NECAB2: variants seen among roughly 807,000 people sequenced by gnomAD.
NECAB2 encodes the protein N-terminal EF-hand calcium-binding protein 2.
Under a neutral mutation model 51.9 loss-of-function variants are expected in NECAB2, and 68 were observed. The ratio of observed to expected loss-of-function variants is 1.31; its 90% CI spans 1.08 to 1.60. The LOEUF (loss-of-function observed/expected upper bound fraction) is 1.60, where lower values mean the gene tolerates loss of function less well. Among genes scored for constraint, NECAB2 ranks in the 40% most tolerant of loss-of-function variants. The pLI is 0.00. For missense variants in NECAB2, 854 were observed against 490.3 expected (o/e 1.74, Z -7.00); for synonymous variants, 329 against 203.5 (o/e 1.62, Z -5.25).
chr16:83,973,711 C>T (rs1396989968), intron 2 of NECAB2, among the ~76,000 whole-genome samples: 1 of 151,950 alleles, frequency 6.6e-6, no homozygotes, highest in African/African-American at 2.4e-5. Context: ...GTCCCTTGTC[C>T]CGGGCCTGAT....
intron 2 of NECAB2, among the ~76,000 whole-genome samples, chr16:83,976,102 A>C (rs565961229): frequency 2.7e-4 from 41 of 152,266 alleles, no homozygotes; most frequent in African/African-American, 9.9e-4. Flanking sequence ...CTGGACAGGC[A>C]CGTGGGGAGA....
chr16:83,983,850 C>G (rs1350732576), intron 5 of NECAB2, among the ~76,000 whole-genome samples: 6 of 152,098 alleles, frequency 3.9e-5, no homozygotes, highest in African/African-American at 1.4e-4. Flanking sequence ...CATCATTTTT[C>G]TACGTAAAAA....
intron 5 of NECAB2, 27 bp downstream of exon 5, chr16:83,981,154 G>GGGC: frequency 6.4e-7 from 1 of 1,571,446 alleles, no homozygotes; most frequent in South Asian, 1.1e-5. Context: ...GGCCCCCGGG[G>GGGC]TCCAGGGCTC....
chr16:83,975,035 GAGGTGTGCAGGGATGAGAGC>G (rs1567664423), intron 2 of NECAB2, among the ~76,000 whole-genome samples: 1 of 128,708 alleles, frequency 7.8e-6, no homozygotes, highest in Non-Finnish European at 1.7e-5. Flanking sequence ...GGTGTGCAGG[GAGGTGTGCAGGGATGAGAGC>G]AGGTGTGCAG....
At chr16:84,002,245 A>C (rs1028065690) in intron 12 of NECAB2, 73 bp from the exon 13 acceptor site, 5 of 1,562,412 alleles carry the variant, frequency 3.2e-6, no homozygotes, top group African/African-American at 2.7e-5. Context: ...CCTGTCATTC[A>C]AGACGACCAC....
intron 5 of NECAB2, among the ~76,000 whole-genome samples, chr16:83,983,106 T>C (rs749481444): frequency 5.9e-5 from 9 of 152,118 alleles, no homozygotes; most frequent in African/African-American, 2.2e-4. Context: ...TGACTTGAGG[T>C]GATCCGCCCA....
intron 5 of NECAB2, among the ~76,000 whole-genome samples, chr16:83,983,132 G>C (rs2084510120): frequency 6.6e-6 from 1 of 152,168 alleles, no homozygotes; most frequent in Admixed American, 6.5e-5. Flanking sequence ...GCCTCCCAAA[G>C]TGCTGGGATT....
chr16:83,994,277 G>A (rs138349930), intron 6 of NECAB2, 25 bp from the exon 7 acceptor site: 1 of 1,609,978 alleles, frequency 6.2e-7, no homozygotes, highest in South Asian at 1.1e-5. Flanking sequence ...GCCATGGTCT[G>A]TGTGTGTTCC....
chr16:83,971,116 G>A (rs1159334302), intron 1 of NECAB2, among the ~76,000 whole-genome samples: 1 of 151,876 alleles, frequency 6.6e-6, no homozygotes, highest in Non-Finnish European at 1.5e-5. Context: ...AATAGTGCTG[G>A]TGAATCAGTC....
At chr16:83,973,703 C>G (rs751575413) in intron 2 of NECAB2, among the ~76,000 whole-genome samples, 1 of 152,016 alleles carries the variant, frequency 6.6e-6, no homozygotes, top group African/African-American at 2.4e-5. Context: ...TTGGGTTTGT[C>G]CCTTGTCCCG....
chr16:83,987,658 A>C (rs1232065133), intron 5 of NECAB2, among the ~76,000 whole-genome samples: 1 of 152,180 alleles, frequency 6.6e-6, no homozygotes, highest in Admixed American at 6.5e-5. Flanking sequence ...CATCATTTAA[A>C]ATATTTTAGT....
intron 10 of NECAB2, 52 bp from the exon 11 acceptor site, chr16:84,000,672 G>T: frequency 1.9e-6 from 3 of 1,544,988 alleles, no homozygotes; most frequent in Non-Finnish European, 2.7e-6. Context: ...ACAGCACTGA[G>T]GTGGCCTTGG....
chr16:84,002,644 G>A lies in NECAB2; in HGVS notation c.*298G>A, dbSNP rs1176576050. On this transcript the variant is annotated 3_prime_UTR_variant, in exon 13 of 13. Transcript: ENST00000305202. ...CCCTACCCCTCACATGGCCACGCATGACCCACACTGACCACACCCTGCCCT... is the reference window on the plus strand; with the variant it reads ...CCCTACCCCTCACATGGCCACGCATAACCCACACTGACCACACCCTGCCCT... 7 of 514,860 alleles carry A rather than the reference G, an allele frequency of 1.4e-5. No individual in the cohort carries two copies. The highest frequency in any genetic ancestry group is 2.5e-5 in the Non-Finnish European group (7 of 284,394). 31.9% of individuals were successfully genotyped at this position (514,860 alleles called of 1,614,324 possible).
rs2151099260 is a variant in NECAB2, at chr16:83,996,795, G to A, written c.796-421G>A. 2.0e-5 allele frequency among the ~76,000 whole-genome samples: 3 copies of A among 152,294 alleles called. No homozygotes were observed. In the South Asian group the frequency reaches 6.2e-4, roughly 32 times the overall value. ...TTACAGTGGGGCAGCACCTTCCCTG[G>A]GGAGTCTGGAAGATTGTGTATTTGT... On this transcript the variant is annotated intron_variant, in intron 8 of 12. Coordinates refer to ENST00000305202, the MANE Select transcript of NECAB2 (RefSeq NM_019065.3).
intron 10 of NECAB2, among the ~76,000 whole-genome samples, chr16:84,000,357 C>T (rs1197288798): frequency 1.0e-5 from 1 of 98,648 alleles, no homozygotes; most frequent in Non-Finnish European, 1.7e-5. Flanking sequence ...TAGCAAGACC[C>T]CATCTCTATT....
intron 3 of NECAB2, 93 bp downstream of exon 3, chr16:83,978,645 G>A: frequency 9.0e-7 from 1 of 1,109,824 alleles, no homozygotes; most frequent in East Asian, 2.4e-5. Flanking sequence ...TCCCCTGTAA[G>A]GGGCAGGAGA....
At chr16:83,976,341 G>C (rs2084410196) in intron 2 of NECAB2, among the ~76,000 whole-genome samples, 1 of 152,224 alleles carries the variant, frequency 6.6e-6, no homozygotes, top group Admixed American at 6.5e-5. Context: ...TACCCTAAGG[G>C]CTCTGTGCCT....
At chr16:83,970,628 G>A (rs932081126) in intron 1 of NECAB2, among the ~76,000 whole-genome samples, 6 of 152,294 alleles carry the variant, frequency 3.9e-5, no homozygotes, top group African/African-American at 1.4e-4. Flanking sequence ...GTCAGAGTGA[G>A]TATTACCTCC....
chr16:83,980,959 T>G (rs1597205143), intron 4 of NECAB2, 71 bp from the exon 5 acceptor site: 1 of 1,604,438 alleles, frequency 6.2e-7, no homozygotes, highest in Non-Finnish European at 8.5e-7. Context: ...GTAGCGCAGG[T>G]GGGAGGTGCA....
Sources: gnomAD v4.1 joint callset for allele counts (sites outside exome capture counted in the v4.1 genomes callset) on GRCh38, gnomAD v4.1.1 for gene constraint, MANE v1.5 for transcripts, NCBI Gene and HGNC (gene_info 2026-07-23, HGNC 2026-07-21) for gene names.